Variants in ASTN2 observed in about 807,000 individuals in gnomAD.
ASTN2 encodes astrotactin-2.
A neutral mutation model predicts 139.8 loss-of-function variants in ASTN2; 54 were observed. That is an observed-to-expected ratio of 0.39 (90% CI 0.31 to 0.48). The LOEUF is 0.48. Ranked by LOEUF, ASTN2 falls within the 20% of genes least tolerant of loss-of-function variation. The pLI, the probability that ASTN2 is intolerant of heterozygous loss-of-function variation, is 0.95. For missense variants in ASTN2, 1,565 were observed against 1,725.1 expected (o/e 0.91, Z 1.64); for synonymous variants, 756 against 719.5 (o/e 1.05, Z -0.81).
At chr9:117,271,457 C>G (rs1017690736) in intron 2 of ASTN2, among the ~76,000 whole-genome samples, 5 of 152,142 alleles carry the variant, frequency 3.3e-5, no homozygotes, top group African/African-American at 1.2e-4. Flanking sequence ...CTGACCCCTC[C>G]AAATCTCATG....
intron 16 of ASTN2, among the ~76,000 whole-genome samples, chr9:116,666,921 ATTATTTATTTATAC>A (rs1858895797): frequency 1.4e-5 from 2 of 139,840 alleles, no homozygotes; most frequent in African/African-American, 5.3e-5. Flanking sequence ...TTTGATCCAT[ATTATTTATTTATAC>A]TTATTTATTT....
chr9:117,049,571 T>A (rs1388506592), intron 5 of ASTN2, among the ~76,000 whole-genome samples: 1 of 152,208 alleles, frequency 6.6e-6, no homozygotes, highest in Non-Finnish European at 1.5e-5. Flanking sequence ...ATGTACATTA[T>A]CCTATTTAAA....
intron 20 of ASTN2, among the ~76,000 whole-genome samples, chr9:116,473,150 G>A (rs372861438): frequency 1.3e-5 from 2 of 152,134 alleles, no homozygotes; most frequent in South Asian, 4.1e-4. Flanking sequence ...TGATGACAAC[G>A]ACTGGGAGGC....
At chr9:117,248,652 G>C (rs1833452481) in intron 2 of ASTN2, among the ~76,000 whole-genome samples, 1 of 152,186 alleles carries the variant, frequency 6.6e-6, no homozygotes, top group Admixed American at 6.5e-5. Context: ...TATGTCAGTG[G>C]CACCTTTCTA....
intron 2 of ASTN2, among the ~76,000 whole-genome samples, chr9:117,265,348 G>A (rs1475394413): frequency 6.6e-6 from 1 of 152,166 alleles, no homozygotes; most frequent in Non-Finnish European, 1.5e-5. Context: ...GGCAAGGGAG[G>A]TGAGGCATCT....
chr9:116,993,177 G>A (rs1163606872), intron 7 of ASTN2, among the ~76,000 whole-genome samples: 3 of 152,146 alleles, frequency 2.0e-5, no homozygotes, highest in Non-Finnish European at 2.9e-5. Context: ...CAACCCAGGG[G>A]TTCTGGCCCT....
intron 10 of ASTN2, among the ~76,000 whole-genome samples, chr9:116,904,639 C>A (rs565231052): frequency 6.6e-6 from 1 of 152,334 alleles, no homozygotes; most frequent in Admixed American, 6.5e-5. Context: ...ATGTAAACCA[C>A]TAAGAATGGC....
intron 1 of ASTN2, among the ~76,000 whole-genome samples, chr9:117,312,068 T>C (rs930180069): frequency 6.6e-5 from 10 of 152,200 alleles, no homozygotes; most frequent in African/African-American, 1.7e-4. Flanking sequence ...GTTTACTGTA[T>C]TTATCAAAGG....
intron 7 of ASTN2, among the ~76,000 whole-genome samples, chr9:116,991,953 A>T (rs1270464033): frequency 6.6e-6 from 1 of 152,218 alleles, no homozygotes; most frequent in Non-Finnish European, 1.5e-5. Flanking sequence ...TGAGGAACAC[A>T]CATGCCCCAG....
At chr9:117,370,362 C>T (rs929160318) in intron 1 of ASTN2, among the ~76,000 whole-genome samples, 2 of 152,172 alleles carry the variant, frequency 1.3e-5, no homozygotes, top group South Asian at 2.1e-4. Context: ...CCCAGCAATG[C>T]CTCGGTGAAC....
chr9:116,561,958 T>C (rs1169866755), intron 19 of ASTN2: 1 of 152,226 alleles, frequency 6.6e-6, no homozygotes, highest in East Asian at 1.9e-4. Context: ...TGTTAAAATG[T>C]TGGGTAATTT....
At chr9:116,939,783 T>C (rs1402612627) in intron 10 of ASTN2, among the ~76,000 whole-genome samples, 3 of 152,196 alleles carry the variant, frequency 2.0e-5, no homozygotes, top group Non-Finnish European at 4.4e-5. Context: ...GTTTTCACAA[T>C]GACTCAGGTG....
chr9:116,959,358 T>C (rs1232054086), intron 10 of ASTN2, among the ~76,000 whole-genome samples: 1 of 152,026 alleles, frequency 6.6e-6, no homozygotes, highest in East Asian at 1.9e-4. Context: ...ATGGAGCACG[T>C]GGATGTGACT....
intron 19 of ASTN2, among the ~76,000 whole-genome samples, chr9:116,533,282 A>C (rs997456321): frequency 2.0e-5 from 3 of 152,120 alleles, no homozygotes; most frequent in Non-Finnish European, 4.4e-5. Context: ...GGGTTTTCTA[A>C]ATATACAATC....
intron 17 of ASTN2, among the ~76,000 whole-genome samples, chr9:116,651,095 T>G (rs1857886552): frequency 6.6e-6 from 1 of 151,064 alleles, no homozygotes; most frequent in Admixed American, 6.6e-5. Flanking sequence ...CTTTGTGTTT[T>G]TAGTAGAGAT....
intron 16 of ASTN2, among the ~76,000 whole-genome samples, chr9:116,681,576 A>C (rs1398949533): frequency 6.6e-6 from 1 of 152,220 alleles, no homozygotes; most frequent in East Asian, 1.9e-4. Context: ...AGTCAATCCT[A>C]AGCCAAAAGA....
At chr9:117,334,410 A>G (rs944951371) in intron 1 of ASTN2, among the ~76,000 whole-genome samples, 5 of 151,470 alleles carry the variant, frequency 3.3e-5, no homozygotes, top group East Asian at 1.9e-4. Flanking sequence ...TGAGACATTT[A>G]TTTTTAATAT....
At position 117,265,813 on chromosome 9, in the gene ASTN2, A is replaced by C. The variant is rs938407753; in HGVS notation, c.630+25513T>G. Among the ~76,000 whole-genome samples, 58 of 147,700 alleles carry C rather than the reference A, an allele frequency of 3.9e-4. No individual in the cohort carries two copies. In the East Asian group the frequency reaches 8.2e-3, roughly 21 times the overall value. On this transcript the variant is annotated intron_variant, in intron 2 of 22. Coordinates refer to ENST00000313400, the MANE Select transcript of ASTN2 (RefSeq NM_001365068.1). ...GAAAAAATTGAAAGCAAAATGGTAA[A>C]AAAAAAAAAAAATCTCCTAATATTT...
chr9:117,098,790 A>AAG (rs1828899951), intron 4 of ASTN2, among the ~76,000 whole-genome samples: 2 of 151,752 alleles, frequency 1.3e-5, no homozygotes, highest in African/African-American at 4.8e-5. Flanking sequence ...AAAAAAAAAA[A>AAG]AAGAAGAAGA....
Sources: gnomAD v4.1 joint callset for allele counts (sites outside exome capture counted in the v4.1 genomes callset) on GRCh38, gnomAD v4.1.1 for gene constraint, MANE v1.5 for transcripts, NCBI Gene and HGNC (gene_info 2026-07-23, HGNC 2026-07-21) for gene names.